Variants in SAR1B observed in about 807,000 individuals in gnomAD.
The protein encoded by SAR1B is small COPII coat GTPase SAR1B.
Under a neutral mutation model 26.8 loss-of-function variants are expected in SAR1B, and 23 were observed. The ratio of observed to expected loss-of-function variants is 0.86; its 90% CI spans 0.62 to 1.22. SAR1B has a LOEUF of 1.22. Among genes scored for constraint, SAR1B ranks in the 50% most tolerant of loss-of-function variants. The probability of loss-of-function intolerance (pLI) is 0.00; values close to 1 mark genes in which losing one functional copy is unlikely to be tolerated. For synonymous variants in SAR1B, 65 were observed against 80.8 expected (o/e 0.80, Z 1.05); for missense variants, 196 against 232.8 (o/e 0.84, Z 1.03).
At position 134,606,469 on chromosome 5, in the gene SAR1B, TAAG is replaced by T. The variant is rs1288207576; in HGVS notation, c.*478_*480del. The T allele has an allele frequency of 5.9e-6, 1 of 170,352 alleles. No homozygotes were observed. Among genetic ancestry groups the T allele is most frequent in the African/African-American group, 2.4e-5 (1 of 41,612 alleles). The allele number at this position is 170,352 out of a possible 1,614,324, so 10.6% of individuals were successfully genotyped here. A position where few individuals can be genotyped will look rare whatever the true frequency, so the allele number is the denominator to read the frequency against. On this transcript the variant is annotated 3_prime_UTR_variant, in exon 7 of 7. Coordinates refer to ENST00000402673, the MANE Select transcript of SAR1B (RefSeq NM_016103.4). ...TTTGTTTTATTGCATGACGTTTGCA[TAAG>T]AAAAAAAGTTATTGAAAACTGTAAG...
chr5:134,612,534 A>G (rs1485296975), intron 4 of SAR1B, among the ~76,000 whole-genome samples, 157 bp downstream of exon 4: 6 of 150,960 alleles, frequency 4.0e-5, no homozygotes, highest in African/African-American at 1.2e-4. Flanking sequence ...AATCCCAGCT[A>G]TTGGGGAGGC....
At chr5:134,618,107 G>C (rs972392701) in intron 3 of SAR1B, 2 of 152,072 alleles carry the variant, frequency 1.3e-5, no homozygotes, top group East Asian at 3.9e-4. Context: ...CACGAGGTCA[G>C]GAGATCGAGA....
Position 134,604,847 on chromosome 5 carries a change from G to A in SAR1B, c.*2103C>T, listed in dbSNP as rs943260916. 10 of 152,200 alleles carry A rather than the reference G, an allele frequency of 6.6e-5. No homozygotes were observed. Among genetic ancestry groups the A allele is most frequent in the Non-Finnish European group, 1.3e-4 (9 of 68,002 alleles). 9.4% of individuals were successfully genotyped at this position (152,200 alleles called of 1,614,324 possible). A position where few individuals can be genotyped will look rare whatever the true frequency, so the allele number is the denominator to read the frequency against. ...TCTAGGAAATACTTGAAGAAAGGCAGGTCCCTGAAGGTACAGATAACATGA... is the reference window on the plus strand; with the variant it reads ...TCTAGGAAATACTTGAAGAAAGGCAAGTCCCTGAAGGTACAGATAACATGA... On this transcript the variant is annotated 3_prime_UTR_variant, in exon 7 of 7. Transcript: ENST00000402673.
chr5:134,618,784 G>A (rs1384903324), intron 3 of SAR1B, among the ~76,000 whole-genome samples: 2 of 152,084 alleles, frequency 1.3e-5, no homozygotes, highest in Admixed American at 1.3e-4. Context: ...GATCACTTGT[G>A]GCCAGGAGTT....
At chr5:134,609,523 G>C (rs372437644) in intron 5 of SAR1B, 48 bp downstream of exon 5, 34 of 1,472,196 alleles carry the variant, frequency 2.3e-5, no homozygotes, top group Non-Finnish European at 3.1e-5. Context: ...ACTTCTGCAG[G>C]CTTACCAGAG....
chr5:134,632,448 G>A (rs575971358), intron 1 of SAR1B, among the ~76,000 whole-genome samples: 7 of 152,294 alleles, frequency 4.6e-5, no homozygotes, highest in African/African-American at 1.4e-4. Flanking sequence ...AGGCCCAGGG[G>A]AAGGAAGGGG....
chr5:134,610,746 T>TA (rs199634765), intron 4 of SAR1B, among the ~76,000 whole-genome samples: 1,531 of 150,344 alleles, frequency 0.01, 16 homozygotes, highest in African/African-American at 0.035. Context: ...AAAAAATAAT[T>TA]AAAAAAAAAC....
chr5:134,615,739 C>T lies in SAR1B; in HGVS notation c.179-2983G>A, dbSNP rs1765301172. On this transcript the variant is annotated intron_variant, in intron 3 of 6. Coordinates refer to ENST00000402673, the MANE Select transcript of SAR1B (RefSeq NM_016103.4). ...GGCTGAGGCAGGAGAATGGCATGAA[C>T]GCGGGAGGCGGAGCTTGCAGTGAGC... is the stretch of plus-strand genomic sequence containing the variant. Among the ~76,000 whole-genome samples, 12 of 151,852 alleles carry T rather than the reference C, an allele frequency of 7.9e-5. 1 individual carries two copies. The highest frequency in any genetic ancestry group is 7.9e-4 in the Admixed American group (12 of 15,236).
chr5:134,624,447 G>A (rs570192745), intron 1 of SAR1B, among the ~76,000 whole-genome samples: 23 of 151,950 alleles, frequency 1.5e-4, no homozygotes, highest in Non-Finnish European at 2.8e-4. Context: ...CTTGAGCCTC[G>A]GAGGTAGAGA....
chr5:134,615,319 G>A (rs1765289905), intron 3 of SAR1B, among the ~76,000 whole-genome samples: 1 of 148,514 alleles, frequency 6.7e-6, no homozygotes, highest in Non-Finnish European at 1.5e-5. Flanking sequence ...CTGCACTCCA[G>A]CCTGGGGAAC....
chr5:134,622,402 C>T (rs1765424714), intron 2 of SAR1B, among the ~76,000 whole-genome samples: 1 of 151,362 alleles, frequency 6.6e-6, no homozygotes, highest in Non-Finnish European at 1.5e-5. Context: ...AATTACAAAG[C>T]CCATATTCTT....
At chr5:134,629,045 A>G (rs1295501277) in intron 1 of SAR1B, among the ~76,000 whole-genome samples, 1 of 151,842 alleles carries the variant, frequency 6.6e-6, no homozygotes, top group African/African-American at 2.4e-5. Flanking sequence ...CTTGAGCCCA[A>G]GAATTCAAGC....
In SAR1B at chr5:134,620,887, A is replaced by G. The variant is rs754794452; in HGVS notation, c.178+46T>C. The G allele has an allele frequency of 5.6e-6, 9 of 1,607,350 alleles. No individual in the cohort carries two copies. The Admixed American group carries it at 1.5e-4, about 27-fold the overall frequency. ...CACTTTTGGTTAGTGCATATGACTC[A>G]GCATCATTTGATCAAGTATCACATT... On this transcript the variant is annotated intron_variant, in intron 3 of 6. Transcript: ENST00000402673.
intron 1 of SAR1B, among the ~76,000 whole-genome samples, chr5:134,631,071 T>A (rs1765597119): frequency 6.8e-6 from 1 of 146,776 alleles, no homozygotes; most frequent in East Asian, 2.0e-4. Context: ...CCCAGCAAAT[T>A]TTTTTTTTTT....
chr5:134,629,341 T>G (rs996508777), intron 1 of SAR1B, among the ~76,000 whole-genome samples: 1 of 150,306 alleles, frequency 6.7e-6, no homozygotes, highest in Non-Finnish European at 1.5e-5. Flanking sequence ...GGGGGATCAC[T>G]TGAACCCAGG....
chr5:134,630,456 CAA>C (rs773343974), intron 1 of SAR1B, among the ~76,000 whole-genome samples: 4 of 41,576 alleles, frequency 9.6e-5, no homozygotes, highest in Admixed American at 2.8e-4. Flanking sequence ...AACTCTATCT[CAA>C]AAAAAAAAAA....
chr5:134,613,889 T>TG (rs1196955783), intron 3 of SAR1B: 1 of 152,260 alleles, frequency 6.6e-6, no homozygotes, highest in Non-Finnish European at 1.5e-5. Context: ...CTGTTTATTT[T>TG]GCTTTCAGTC....
intron 6 of SAR1B, 60 bp from the exon 7 acceptor site, chr5:134,607,126 C>A: frequency 1.9e-6 from 2 of 1,036,322 alleles, no homozygotes; most frequent in East Asian, 2.4e-5. Context: ...CCCCACATCC[C>A]AGCAGAATTA....
At position 134,603,144 on chromosome 5, in the gene SAR1B, A is replaced by C. The variant is rs1369145080; in HGVS notation, c.*3806T>G. 2 of 152,240 alleles carry C rather than the reference A, an allele frequency of 1.3e-5. No individual in the cohort carries two copies. Among genetic ancestry groups the C allele is most frequent in the East Asian group, 3.8e-4 (2 of 5,198 alleles). The allele number at this position is 152,240 out of a possible 1,614,324, so 9.4% of individuals were successfully genotyped here. A position where few individuals can be genotyped will look rare whatever the true frequency, so the allele number is the denominator to read the frequency against. On this transcript the variant is annotated 3_prime_UTR_variant, in exon 7 of 7. Coordinates refer to ENST00000402673, the MANE Select transcript of SAR1B (RefSeq NM_016103.4). ...TAAACAATATGCTCCAAATTAAATG[A>C]ACAGAAGGAATTTTGAGAGATTTCC... is the stretch of plus-strand genomic sequence containing the variant.
Sources: allele counts gnomAD v4.1 joint callset (sites outside exome capture counted in the v4.1 genomes callset), GRCh38; gene constraint gnomAD v4.1.1; transcripts MANE v1.5; gene names NCBI Gene and HGNC (gene_info 2026-07-23, HGNC 2026-07-21).